The following SIGLECL1 variants were observed in gnomAD, a reference collection of about 807,000 sequenced individuals.
The protein encoded by SIGLECL1 is SIGLEC family like 1.
SIGLECL1 carries 16 observed loss-of-function variants against 19.1 expected under a neutral mutation model. The observed-to-expected ratio is 0.84, with a 90% CI of 0.57 to 1.27. The LOEUF is 1.27. SIGLECL1 is among the 50% of genes most tolerant of loss of function. The pLI, the probability that SIGLECL1 is intolerant of heterozygous loss-of-function variation, is 0.00. For synonymous variants in SIGLECL1, 89 were observed against 90.4 expected (o/e 0.98, Z 0.09); for missense variants, 210 against 239.4 (o/e 0.88, Z 0.81).
upstream of SIGLECL1, among the ~76,000 whole-genome samples, chr19:51,248,385 C>A (rs893951294): frequency 6.6e-6 from 1 of 152,164 alleles, no homozygotes; most frequent in Non-Finnish European, 1.5e-5. Context: ...ACCAGATGGT[C>A]TTTTTTTCCG....
At chr19:51,246,518 G>T (rs1201932017), upstream of SIGLECL1, 3 of 152,192 alleles carry the variant, frequency 2.0e-5, no homozygotes, top group African/African-American at 7.2e-5. Flanking sequence ...GGCAGGTCAG[G>T]TCTCCCTAAC....
chr19:51,246,745 G>T (rs1285609347), upstream of SIGLECL1, among the ~76,000 whole-genome samples: 2 of 152,012 alleles, frequency 1.3e-5, no homozygotes, highest in Non-Finnish European at 2.9e-5. Flanking sequence ...AGTTTTATTG[G>T]GGGGTCTGAA....
rs751815517 is a variant in SIGLECL1, at chr19:51,265,453, T to C, written c.108T>C (p.Ser36=). Residue 36 remains serine (S), a synonymous_variant, in exon 3 of 6, where the codon TCT becomes TCC. Coordinates refer to ENST00000601727, the MANE Select transcript of SIGLECL1 (RefSeq NM_001385465.1). ...CCTTCCATGGGATTCCCACACCCTCTGTGCAGTGGTGGATGGGAGGAGTCC... is the reference window on the plus strand; with the variant it reads ...CCTTCCATGGGATTCCCACACCCTCCGTGCAGTGGTGGATGGGAGGAGTCC... ...SCSFHGIPTP[S]VQWWMGGVPV... 2 of 1,614,016 alleles carry C rather than the reference T, an allele frequency of 1.2e-6. No homozygotes were observed. Among genetic ancestry groups the C allele is most frequent in the Middle Eastern group, 1.7e-4 (1 of 6,058 alleles).
intron 1 of SIGLECL1, among the ~76,000 whole-genome samples, chr19:51,254,985 C>T (rs1259130138): frequency 6.6e-6 from 1 of 152,068 alleles, no homozygotes; most frequent in East Asian, 1.9e-4. Context: ...TATAGCCAGG[C>T]GCAGTGGCTC....
chr19:51,266,914 G>C (rs773254557), intron 4 of SIGLECL1, among the ~76,000 whole-genome samples: 1 of 152,084 alleles, frequency 6.6e-6, no homozygotes, highest in African/African-American at 2.4e-5. Context: ...GAGAGTGAGA[G>C]CCAGAAGGTC....
intron 4 of SIGLECL1, among the ~76,000 whole-genome samples, chr19:51,267,077 G>A (rs1486443617): frequency 3.9e-5 from 6 of 152,144 alleles, no homozygotes; most frequent in African/African-American, 1.4e-4. Context: ...GGCAAACTGA[G>A]GAGCTATTTT....
chr19:51,264,870 G>A (rs1321880777), intron 2 of SIGLECL1, among the ~76,000 whole-genome samples: 2 of 152,196 alleles, frequency 1.3e-5, no homozygotes, highest in Non-Finnish European at 2.9e-5. Context: ...GCACTGAGCT[G>A]GGTGCACTGC....
Position 51,268,819 on chromosome 19 carries a change from G to A in SIGLECL1, c.*222G>A. 1 of 479,302 alleles carries A rather than the reference G, an allele frequency of 2.1e-6. No homozygotes were observed. The highest frequency in any genetic ancestry group is 2.0e-5 in the African/African-American group (1 of 49,808). The allele number at this position is 479,302 out of a possible 1,614,324, so 29.7% of individuals were successfully genotyped here. On this transcript the variant is annotated 3_prime_UTR_variant, in exon 6 of 6. Transcript: ENST00000601727. ...TAGACCTAGTCTTAGAACCTCTGAA[G>A]ACACACTTTGTAATTTGTTGTTTGG...
chr19:51,266,948 C>T (rs2123456843), intron 4 of SIGLECL1, among the ~76,000 whole-genome samples: 1 of 152,044 alleles, frequency 6.6e-6, no homozygotes, highest in East Asian at 1.9e-4. Context: ...GAAGCTGGTG[C>T]AGGGGACTAA....
At chr19:51,249,135 G>C (rs1476350999), upstream of SIGLECL1, among the ~76,000 whole-genome samples, 1 of 152,086 alleles carries the variant, frequency 6.6e-6, no homozygotes, top group Non-Finnish European at 1.5e-5. Flanking sequence ...GGGACCCAAG[G>C]GCAAGAGCTT....
intron 1 of SIGLECL1, among the ~76,000 whole-genome samples, chr19:51,259,281 T>G (rs923632876): frequency 1.3e-5 from 2 of 152,238 alleles, no homozygotes; most frequent in Non-Finnish European, 2.9e-5. Flanking sequence ...GTTATGTGAA[T>G]GTATTTACCT....
chr19:51,264,979 T>A (rs1233913783), intron 2 of SIGLECL1, among the ~76,000 whole-genome samples: 3 of 151,660 alleles, frequency 2.0e-5, no homozygotes, highest in Non-Finnish European at 4.4e-5. Flanking sequence ...ATAAGGGGAG[T>A]GACTTGCCCA....
intron 1 of SIGLECL1, among the ~76,000 whole-genome samples, chr19:51,263,623 T>A (rs1983398025): frequency 6.6e-6 from 1 of 152,158 alleles, no homozygotes; most frequent in African/African-American, 2.4e-5. Context: ...TTGGCCATGG[T>A]GGTGAATACC....
intron 2 of SIGLECL1, 110 bp from the exon 3 acceptor site, chr19:51,265,258 T>C (rs1420061081): frequency 4.0e-6 from 5 of 1,250,936 alleles, no homozygotes; most frequent in East Asian, 2.3e-5. Context: ...TTCCAGAAAG[T>C]CCTTCTGAAG....
chr19:51,249,956 T>C (rs1354059707), upstream of SIGLECL1, among the ~76,000 whole-genome samples: 2 of 152,176 alleles, frequency 1.3e-5, no homozygotes, highest in Non-Finnish European at 2.9e-5. Context: ...TTTTAGACCA[T>C]ATAGTGTAAC....
In SIGLECL1 at chr19:51,263,981, A is replaced by G. The variant is rs1442813633; in HGVS notation, c.-92A>G. ...CCACATCCTCTTTCAGTTACGCATC[A>G]CCTCACTCCTTCTGAACCATATGGT... On this transcript the variant is annotated 5_prime_UTR_variant, in exon 2 of 6. Coordinates refer to ENST00000601727, the MANE Select transcript of SIGLECL1 (RefSeq NM_001385465.1). 13 of 1,500,358 alleles carry G rather than the reference A, an allele frequency of 8.7e-6. No homozygotes were observed. The highest frequency in any genetic ancestry group is 1.2e-5 in the Non-Finnish European group (13 of 1,089,746). The allele number at this position is 1,500,358 out of a possible 1,614,324, so 92.9% of individuals were successfully genotyped here.
chr19:51,265,646 T>C lies in SIGLECL1; in HGVS notation c.301T>C (p.Ser101Pro). The change falls in exon 3 of 6, where the codon TCA becomes CCA. Residue 101 changes from serine (S) to proline (P), a missense_variant. Ser to Pro is a moderately conservative substitution (Grantham distance 74). Coordinates refer to ENST00000601727, the MANE Select transcript of SIGLECL1 (RefSeq NM_001385465.1). ...CCATGCTTTGAGCATCCTACTGATG[T>C]CAAGTGAGGGTGGAGGGGGCTCGGT... ...GTHALSILLM[S>P]RKSSLAAQAF... 1 of 1,612,766 alleles carries C rather than the reference T, an allele frequency of 6.2e-7. No homozygotes were observed. Among genetic ancestry groups the C allele is most frequent in the Non-Finnish European group, 8.5e-7 (1 of 1,179,072 alleles).
At chr19:51,267,690 A>C (rs1332482850) in intron 5 of SIGLECL1, among the ~76,000 whole-genome samples, 161 bp downstream of exon 5, 1 of 152,228 alleles carries the variant, frequency 6.6e-6, no homozygotes, top group African/African-American at 2.4e-5. Context: ...TAGGAAGCTA[A>C]GGCCCAGAGA....
intron 1 of SIGLECL1, among the ~76,000 whole-genome samples, chr19:51,260,018 G>A (rs1267604172): frequency 1.3e-5 from 2 of 152,220 alleles, no homozygotes; most frequent in African/African-American, 2.4e-5. Context: ...CCACATTTGG[G>A]TTTTTACCAA....
Sources: gnomAD v4.1 joint callset for allele counts (sites outside exome capture counted in the v4.1 genomes callset) on GRCh38, gnomAD v4.1.1 for gene constraint, MANE v1.5 for transcripts, NCBI Gene and HGNC (gene_info 2026-07-23, HGNC 2026-07-21) for gene names.